The following CELSR1 variants were observed in gnomAD, a reference collection of about 807,000 sequenced individuals.
CELSR1 encodes the protein adhesion G protein-coupled receptor C1.
In CELSR1, 110 loss-of-function variants were observed where a neutral mutation model predicts 249.1. The ratio of observed to expected loss-of-function variants is 0.44; its 90% confidence interval spans 0.38 to 0.52. CELSR1 has a LOEUF of 0.52. Ranked by LOEUF, CELSR1 falls within the 20% of genes least tolerant of loss-of-function variation. The pLI, the probability that CELSR1 is intolerant of heterozygous loss-of-function variation, is 0.00. For missense variants in CELSR1, 4,109 were observed against 4,296.4 expected (o/e 0.96, Z 1.22); for synonymous variants, 2,113 against 1,900.0 (o/e 1.11, Z -2.92).
At chr22:46,425,085 G>C (rs2079522167) in intron 5 of CELSR1, among the ~76,000 whole-genome samples, 1 of 152,236 alleles carries the variant, frequency 6.6e-6, no homozygotes, top group African/African-American at 2.4e-5. Context: ...GTGCTAAGAA[G>C]TATTCCCTGT....
intron 1 of CELSR1, among the ~76,000 whole-genome samples, chr22:46,477,411 G>A (rs555309070): frequency 2.6e-5 from 4 of 152,270 alleles, no homozygotes; most frequent in South Asian, 4.1e-4. Flanking sequence ...GAATCCAAAC[G>A]TCTGACCACA....
At chr22:46,425,647 T>TGTCTTCTC in intron 5 of CELSR1, among the ~76,000 whole-genome samples, 1 of 152,234 alleles carries the variant, frequency 6.6e-6, no homozygotes, top group East Asian at 1.9e-4. Context: ...ATTGGCAATT[T>TGTCTTCTC]GTCTTCTCTT....
chr22:46,366,321 G>A (rs927894482), intron 30 of CELSR1, 65 bp downstream of exon 30: 6 of 1,328,600 alleles, frequency 4.5e-6, no homozygotes, highest in Non-Finnish European at 6.2e-6. Context: ...ACAGGTTGGG[G>A]TGGCAGGGGC....
intron 1 of CELSR1, among the ~76,000 whole-genome samples, chr22:46,533,279 T>C (rs5768916): frequency 0.93 from 142,320 of 152,270 alleles, 66,568 homozygotes; most frequent in East Asian, 0.98. Flanking sequence ...AAAGAGCATC[T>C]CCAAGCAAAT....
At chr22:46,469,747 C>T (rs866871348) in intron 1 of CELSR1, among the ~76,000 whole-genome samples, 1 of 151,044 alleles carries the variant, frequency 6.6e-6, no homozygotes. Flanking sequence ...CTCCTGACCT[C>T]AAGTGATCCA....
Position 46,441,663 on chromosome 22 carries a change from C to T in CELSR1, c.4184-2252G>A, listed in dbSNP as rs951148381. 2.0e-5 allele frequency among the ~76,000 whole-genome samples: 3 copies of T among 152,074 alleles called. No individual in the cohort carries two copies. The highest frequency in any genetic ancestry group is 1.3e-4 in the Admixed American group (2 of 15,264). On this transcript the variant is annotated intron_variant, in intron 2 of 34. Transcript: ENST00000674500. This position sits in a 1 kb window ranked among gnomAD's most constrained non-coding sequence, Gnocchi z 6.1. ...GGGCTGTGGTCTCTTCCTCTCCTTACAAGGACTCTAATTGCAGCCTGGGGG... is the reference window on the plus strand; with the variant it reads ...GGGCTGTGGTCTCTTCCTCTCCTTATAAGGACTCTAATTGCAGCCTGGGGG...
Position 46,427,625 on chromosome 22 carries a change from C to G in CELSR1, c.4611+5768G>C, listed in dbSNP as rs765454627. 1.3e-5 allele frequency among the ~76,000 whole-genome samples: 2 copies of G among 152,192 alleles called. No individual in the cohort carries two copies. Among genetic ancestry groups the G allele is most frequent in the African/African-American group, 2.4e-5 (1 of 41,448 alleles). On this transcript the variant is annotated intron_variant, in intron 5 of 34. Transcript: ENST00000674500. This position sits in a 1 kb window ranked among gnomAD's most constrained non-coding sequence, Gnocchi z 4.2. ...CTCCTCCCCTCATCACCGCACAGAA[C>G]CCCACCGCACTGTTGGCAATGGTTG...
In CELSR1 at chr22:46,500,229, G is replaced by A. The variant is rs1212728247; in HGVS notation, c.3544+33398C>T. Among the ~76,000 whole-genome samples the A allele has an allele frequency of 6.6e-6, 1 of 151,984 alleles. No homozygotes were observed. Among genetic ancestry groups the A allele is most frequent in the Non-Finnish European group, 1.5e-5 (1 of 68,014 alleles). ...CAGCATTGCTCAGCAGGAAAGCTGG[G>A]CTCACGGTGTCTGCAGGACTCAAGG... is the stretch of plus-strand genomic sequence containing the variant. On this transcript the variant is annotated intron_variant, in intron 1 of 34. Transcript: ENST00000674500. The surrounding 1 kb of genome is among the most constrained non-coding windows in gnomAD (Gnocchi z 4.9).
At position 46,391,114 on chromosome 22, in the gene CELSR1, C is replaced by T; in HGVS notation, c.6250+72G>A. 1.6e-6 allele frequency: 2 copies of T among 1,235,914 alleles called. No homozygotes were observed. Among genetic ancestry groups the T allele is most frequent in the East Asian group, 2.4e-5 (1 of 42,456 alleles). The allele number at this position is 1,235,914 out of a possible 1,614,324, so 76.6% of individuals were successfully genotyped here. ...TTCAACACGAAACATTCCATGAGTC[C>T]CCACATCTCGACTGGCTCCTCCCAC... On this transcript the variant is annotated intron_variant, in intron 16 of 34. Transcript: ENST00000674500. This position sits in a 1 kb window ranked among gnomAD's most constrained non-coding sequence, Gnocchi z 4.3.
At chr22:46,375,355 T>C (rs2078907412) in intron 24 of CELSR1, among the ~76,000 whole-genome samples, 1 of 151,990 alleles carries the variant, frequency 6.6e-6, no homozygotes, top group Admixed American at 6.6e-5. Flanking sequence ...CATTCTCCCT[T>C]CTGGAGACGT....
chr22:46,388,868 C>T (rs376399614), intron 18 of CELSR1, among the ~76,000 whole-genome samples: 5 of 152,112 alleles, frequency 3.3e-5, no homozygotes, highest in Non-Finnish European at 5.9e-5. Flanking sequence ...GGCCCACTGC[C>T]GGGCCCTGCC....
At chr22:46,462,661 AAG>A in intron 2 of CELSR1, 1 of 194,152 alleles carries the variant, frequency 5.2e-6, no homozygotes, top group East Asian at 1.9e-4. Context: ...AAAAAAAAAA[AAG>A]ACAGACTATT....
intron 1 of CELSR1, among the ~76,000 whole-genome samples, chr22:46,507,680 G>C (rs780650452): frequency 1.5e-4 from 23 of 152,068 alleles, no homozygotes; most frequent in Non-Finnish European, 2.4e-4. Flanking sequence ...CTGCAGTCTG[G>C]ACTCCCTCTC....
rs1027288440 is a variant in CELSR1, at chr22:46,401,605, C to T, written c.5227-1703G>A. On this transcript the variant is annotated intron_variant, in intron 9 of 34. Coordinates refer to ENST00000674500, the MANE Select transcript of CELSR1 (RefSeq NM_001378328.1). This position sits in a 1 kb window ranked among gnomAD's most constrained non-coding sequence, Gnocchi z 4.7. ...TCTTCAGCCCTATCAGCAGGTGGTA[C>T]GACGCTCCATCAGTCGCCTGTGACC... is the stretch of plus-strand genomic sequence containing the variant. Among the ~76,000 whole-genome samples the T allele has an allele frequency of 3.3e-5, 5 of 152,304 alleles. No individual in the cohort carries two copies. Among genetic ancestry groups the T allele is most frequent in the Admixed American group, 6.5e-5 (1 of 15,290 alleles).
chr22:46,414,079 G>A (rs114262053), intron 5 of CELSR1, among the ~76,000 whole-genome samples: 2,520 of 152,262 alleles, frequency 0.017, 66 homozygotes, highest in Middle Eastern at 0.061. Flanking sequence ...GAAAGCTGGA[G>A]GCAAAAGACA....
intron 1 of CELSR1, among the ~76,000 whole-genome samples, chr22:46,481,118 C>T (rs1214302376): frequency 6.6e-6 from 1 of 151,978 alleles, no homozygotes; most frequent in Non-Finnish European, 1.5e-5. Flanking sequence ...GCCTGTAGTC[C>T]CAGCTACTCA....
chr22:46,365,710 G>A, intron 30 of CELSR1, 21 bp from the exon 31 acceptor site: 1 of 1,544,544 alleles, frequency 6.5e-7, no homozygotes, highest in Non-Finnish European at 8.8e-7. Flanking sequence ...CAGGGAGGGT[G>A]GGCTCAGTAT....
chr22:46,421,644 C>T lies in CELSR1; in HGVS notation c.4612-9885G>A, dbSNP rs543116325. Among the ~76,000 whole-genome samples, 171 of 152,350 alleles carry T rather than the reference C, an allele frequency of 1.1e-3. 4 individuals carry two copies. The South Asian group carries it at 0.033, about 30-fold the overall frequency. On this transcript the variant is annotated intron_variant, in intron 5 of 34. Coordinates refer to ENST00000674500, the MANE Select transcript of CELSR1 (RefSeq NM_001378328.1). ...CCTGCACCACCTTTCTGGCAGAGCT[C>T]GCTAGCCACCTGAAGACCCCTCTAT...
At chr22:46,370,158 G>T in intron 25 of CELSR1, 1 of 467,882 alleles carries the variant, frequency 2.1e-6, no homozygotes, top group Non-Finnish European at 4.3e-6. Context: ...CTGCCAGCTG[G>T]GCCATGTAGA....
Sources: gnomAD v4.1 joint callset for allele counts (sites outside exome capture counted in the v4.1 genomes callset) on GRCh38, gnomAD v4.1.1 for gene constraint, Gnocchi (gnomAD v3.1) non-coding constraint, MANE v1.5 for transcripts, NCBI Gene and HGNC (gene_info 2026-07-23, HGNC 2026-07-21) for gene names.